RNF111: variants seen among roughly 807,000 people sequenced by gnomAD.
RNF111 encodes E3 ubiquitin-protein ligase Arkadia.
In RNF111, 17 loss-of-function variants were observed where a neutral mutation model predicts 95.1. The observed-to-expected ratio is 0.18, with a 90% confidence interval of 0.12 to 0.27. The LOEUF is 0.27. RNF111 is among the 10% of genes least tolerant of loss of function. RNF111 has a pLI of 1.00. For missense variants in RNF111, 1,189 were observed against 1,210.4 expected (o/e 0.98, Z 0.26); for synonymous variants, 440 against 414.8 (o/e 1.06, Z -0.74).
At chr15:59,037,113 G>C (rs1037855546) in intron 2 of RNF111, among the ~76,000 whole-genome samples, 2 of 151,960 alleles carry the variant, frequency 1.3e-5, no homozygotes, top group South Asian at 4.2e-4. Flanking sequence ...CTGGATTACA[G>C]GTGTGAGCCA....
chr15:59,066,993 T>C lies in RNF111; in HGVS notation c.1596T>C (p.Phe532=), dbSNP rs1362058924. The part of the protein sequence containing the change: ...PHPAVPVSPS[F]SDPACPVERP... ...CAGCTGTCCCAGTTTCTCCTTCCTTTAGTGATCCTGCTTGCCCTGTGGAAA... is the reference window on the plus strand; with the variant it reads ...CAGCTGTCCCAGTTTCTCCTTCCTTCAGTGATCCTGCTTGCCCTGTGGAAA... The change falls in exon 6 of 14, where the codon TTT becomes TTC. Residue 532 remains phenylalanine, a synonymous_variant. Coordinates refer to ENST00000348370, the MANE Select transcript of RNF111 (RefSeq NM_017610.8). The C allele has an allele frequency of 5.0e-6, 8 of 1,614,124 alleles. No homozygotes were observed. Among genetic ancestry groups the C allele is most frequent in the Non-Finnish European group, 6.8e-6 (8 of 1,180,010 alleles).
intron 5 of RNF111, among the ~76,000 whole-genome samples, chr15:59,064,183 T>C (rs1277906883): frequency 1.1e-4 from 16 of 152,142 alleles, no homozygotes; most frequent in Admixed American, 1.0e-3. Context: ...GGAATACAAG[T>C]GAATGAAAGT....
rs1185971417 is a variant in RNF111, at chr15:59,025,724, CT to C, written c.-19-5069del. 9.0e-3 allele frequency among the ~76,000 whole-genome samples: 1,315 copies of C among 146,242 alleles called. 13 individuals are homozygous for C. The highest frequency in any genetic ancestry group is 0.03 in the African/African-American group (1,192 of 40,200). On this transcript the variant is annotated intron_variant, in intron 1 of 13. Transcript: ENST00000348370. ...TAGAAAAATGCCAAGTCATCTATGG[CT>C]TTTTTTTTTTCTTTTTTCTTTTGTG... is the stretch of plus-strand genomic sequence containing the variant.
rs1262675657 is a variant in RNF111, at chr15:59,031,573, C to T, written c.751C>T (p.Pro251Ser). ...AGCTCGAAGAAAATATGCCTTGCTA[C>T]CTAGTTCTAGTAGTTCCAGTGAGAA... ...VLARRKYALL[P>S]SSSSSSENDL... The change falls in exon 2 of 14, where the codon CCT becomes TCT. Residue 251 changes from proline to serine, a missense_variant. Pro to Ser is a moderately conservative substitution (Grantham distance 74, BLOSUM62 -1). This residue lies in a region of RNF111 where 1,024 missense variants were observed against 925.9 expected (regional missense o/e 1.11). Transcript: ENST00000348370. The T allele has an allele frequency of 7.4e-6, 12 of 1,614,156 alleles. No homozygotes were observed. The South Asian group carries it at 1.2e-4, about 16-fold the overall frequency.
intron 10 of RNF111, among the ~76,000 whole-genome samples, chr15:59,087,231 G>C (rs1232834345): frequency 6.6e-6 from 1 of 152,130 alleles, no homozygotes; most frequent in East Asian, 1.9e-4. Context: ...AATGTGCAGA[G>C]TGACAAGAGG....
chr15:59,003,589 A>G (rs2039418379), intron 1 of RNF111, among the ~76,000 whole-genome samples: 1 of 151,952 alleles, frequency 6.6e-6, no homozygotes, highest in African/African-American at 2.4e-5. Context: ...TTTTGTAGAG[A>G]CAGGGTTTTG....
intron 1 of RNF111, among the ~76,000 whole-genome samples, chr15:58,995,640 T>C (rs189259547): frequency 7.0e-4 from 107 of 152,084 alleles, no homozygotes; most frequent in African/African-American, 2.5e-3. Flanking sequence ...GTATTTTTAG[T>C]AGAGACGGGG....
chr15:59,003,287 T>A (rs1236867326), intron 1 of RNF111, among the ~76,000 whole-genome samples: 3 of 151,974 alleles, frequency 2.0e-5, no homozygotes, highest in African/African-American at 7.3e-5. Context: ...TAAGTTTTTG[T>A]AGAGACATGC....
chr15:59,044,772 A>G (rs945513780), intron 2 of RNF111, among the ~76,000 whole-genome samples: 9 of 152,212 alleles, frequency 5.9e-5, no homozygotes, highest in Non-Finnish European at 8.8e-5. Context: ...ATTTTCTTTT[A>G]AGTCGTGCTA....
intron 2 of RNF111, among the ~76,000 whole-genome samples, chr15:59,043,375 T>C (rs1210431886): frequency 6.6e-6 from 1 of 152,138 alleles, no homozygotes; most frequent in African/African-American, 2.4e-5. Context: ...CAGACTGGTC[T>C]TGAACTCCTG....
At chr15:59,045,936 T>C (rs770865099) in intron 2 of RNF111, among the ~76,000 whole-genome samples, 14 of 152,230 alleles carry the variant, frequency 9.2e-5, no homozygotes, top group Non-Finnish European at 1.3e-4. Context: ...CTGTAAGATA[T>C]ATTTGCACTG....
Position 59,031,604 on chromosome 15 carries a change from T to G in RNF111, c.782T>G (p.Leu261Arg). 1 of 1,614,230 alleles carries G rather than the reference T, an allele frequency of 6.2e-7. No individual in the cohort carries two copies. The change falls in exon 2 of 14, where the codon CTC (leucine) becomes CGC (arginine). Residue 261 changes from leucine (L) to arginine (R), a missense_variant. Leu to Arg is a moderately radical substitution (Grantham distance 102). Coordinates refer to ENST00000348370, the MANE Select transcript of RNF111 (RefSeq NM_017610.8). The stretch of plus-strand genomic sequence containing the variant: ...TCTAGTAGTTCCAGTGAGAATGACC[T>G]CAGCAGTGAATCCTCTTCTAGCTCA... Reference protein sequence around the residue: ...PSSSSSSENDLSSESSSSSST... With the variant: ...PSSSSSSENDRSSESSSSSST...
At chr15:58,995,298 G>C (rs2039013076) in intron 1 of RNF111, among the ~76,000 whole-genome samples, 1 of 152,126 alleles carries the variant, frequency 6.6e-6, no homozygotes, top group African/African-American at 2.4e-5. Context: ...TCTTTTATAA[G>C]GAAGAGACAT....
intron 4 of RNF111, among the ~76,000 whole-genome samples, 157 bp downstream of exon 4, chr15:59,056,002 G>A (rs2042186590): frequency 6.6e-6 from 1 of 151,992 alleles, no homozygotes; most frequent in Non-Finnish European, 1.5e-5. Flanking sequence ...GATATCCTAG[G>A]CTTGTAAATT....
intron 1 of RNF111, among the ~76,000 whole-genome samples, chr15:59,023,469 G>T (rs16940976): frequency 0.038 from 5,819 of 152,008 alleles, 191 homozygotes; most frequent in African/African-American, 0.088. Flanking sequence ...TTATTCTGTA[G>T]TATTTTCTAA....
chr15:59,022,385 C>T (rs1453046069), intron 1 of RNF111, among the ~76,000 whole-genome samples: 2 of 152,158 alleles, frequency 1.3e-5, no homozygotes, highest in African/African-American at 4.8e-5. Context: ...CTTTGCTTCT[C>T]AGTTCCTCTT....
chr15:59,044,475 G>A (rs904092939), intron 2 of RNF111, among the ~76,000 whole-genome samples: 1 of 152,184 alleles, frequency 6.6e-6, no homozygotes, highest in Non-Finnish European at 1.5e-5. Flanking sequence ...AATGGGCTTT[G>A]AAGAGTTTAT....
chr15:59,042,105 C>T lies in RNF111; in HGVS notation c.881-10200C>T, dbSNP rs1214600860. ...CACAAATTAATTAGTAGTTTCTTGA[C>T]TTACATACTTTTATGCCAAATTTTT... On this transcript the variant is annotated intron_variant, in intron 2 of 13. Coordinates refer to ENST00000348370, the MANE Select transcript of RNF111 (RefSeq NM_017610.8). Among the ~76,000 whole-genome samples the T allele has an allele frequency of 2.6e-5, 4 of 151,700 alleles. No homozygotes were observed. The East Asian group carries it at 5.8e-4, about 22-fold the overall frequency.
At chr15:59,091,792 G>C (rs747524416) in intron 12 of RNF111, among the ~76,000 whole-genome samples, 5 of 152,172 alleles carry the variant, frequency 3.3e-5, no homozygotes, top group Non-Finnish European at 7.3e-5. Flanking sequence ...AGAGGGGATA[G>C]TTTCAGAATG....
Sources: gnomAD v4.1 joint callset for allele counts (sites outside exome capture counted in the v4.1 genomes callset) on GRCh38, gnomAD v4.1.1 for gene constraint, gnomAD v4.1.1 regional missense constraint, MANE v1.5 for transcripts, NCBI Gene and HGNC (gene_info 2026-07-23, HGNC 2026-07-21) for gene names.